The following LRP1B variants were observed in gnomAD, a reference collection of about 807,000 sequenced individuals.
LRP1B encodes the protein low-density lipoprotein receptor-related protein 1B.
Under a neutral mutation model 556.6 loss-of-function variants are expected in LRP1B, and 217 were observed. That is an observed-to-expected ratio of 0.39 (90% CI 0.35 to 0.44). The LOEUF (loss-of-function observed/expected upper bound fraction) is 0.44. Among genes scored for constraint, LRP1B ranks in the 20% least tolerant of loss-of-function variants. The pLI, the probability that LRP1B is intolerant of heterozygous loss-of-function variation, is 1.00. For missense variants in LRP1B, 5,053 were observed against 5,620.8 expected, an observed-to-expected ratio of 0.90 and a Z score of 3.23; for synonymous variants, 2,047 against 1,865.8, an observed-to-expected ratio of 1.10 and a Z score of -2.50.
At chr2:140,979,720 C>T (rs1696711826) in intron 18 of LRP1B, among the ~76,000 whole-genome samples, 1 of 152,118 alleles carries the variant, frequency 6.6e-6, no homozygotes, top group African/African-American at 2.4e-5. Context: ...AGTATAATGG[C>T]ATTATCTGCA....
intron 66 of LRP1B, among the ~76,000 whole-genome samples, chr2:140,408,180 C>T (rs976801159): frequency 5.3e-5 from 8 of 151,446 alleles, no homozygotes; most frequent in Middle Eastern, 3.2e-3. Context: ...GATTTACAGG[C>T]GATGTGGGAG....
chr2:140,567,253 C>T (rs2105095307), intron 43 of LRP1B, among the ~76,000 whole-genome samples: 1 of 152,236 alleles, frequency 6.6e-6, no homozygotes, highest in Middle Eastern at 3.4e-3. Flanking sequence ...CTGTGTTCTG[C>T]CATTTTGGAC....
At chr2:141,448,518 G>T (rs1681283395) in intron 3 of LRP1B, among the ~76,000 whole-genome samples, 1 of 152,174 alleles carries the variant, frequency 6.6e-6, no homozygotes, top group South Asian at 2.1e-4. Flanking sequence ...GCCCAGGTTT[G>T]TGCTTGAAAC....
chr2:141,369,593 C>G (rs542723699), intron 3 of LRP1B, among the ~76,000 whole-genome samples: 7 of 152,254 alleles, frequency 4.6e-5, no homozygotes, highest in African/African-American at 1.7e-4. Context: ...CCATTATTAT[C>G]ATCATGATCA....
At chr2:140,377,200 C>A (rs754523780) in intron 68 of LRP1B, among the ~76,000 whole-genome samples, 31 of 152,126 alleles carry the variant, frequency 2.0e-4, no homozygotes, top group Admixed American at 3.9e-4. Context: ...CTCAGCCTCC[C>A]AAGTAGCTGG....
intron 57 of LRP1B, among the ~76,000 whole-genome samples, chr2:140,492,248 G>A (rs993209547): frequency 6.6e-6 from 1 of 152,074 alleles, no homozygotes; most frequent in Non-Finnish European, 1.5e-5. Context: ...CTATCAATGA[G>A]TAACAAAATA....
At chr2:140,352,764 T>C (rs991252112) in intron 76 of LRP1B, among the ~76,000 whole-genome samples, 189 bp downstream of exon 76, 2 of 152,126 alleles carry the variant, frequency 1.3e-5, no homozygotes, top group Non-Finnish European at 2.9e-5. Flanking sequence ...ATATATTTCA[T>C]AGTCATTTCC....
At chr2:140,913,497 A>G (rs1291395774) in intron 21 of LRP1B, among the ~76,000 whole-genome samples, 1 of 152,042 alleles carries the variant, frequency 6.6e-6, no homozygotes, top group Non-Finnish European at 1.5e-5. Flanking sequence ...GGAAAAAAGC[A>G]TTTAATATAG....
chr2:140,270,886 T>C (rs1488973047), intron 85 of LRP1B, among the ~76,000 whole-genome samples: 1 of 151,974 alleles, frequency 6.6e-6, no homozygotes, highest in Non-Finnish European at 1.5e-5. Context: ...GTATGTACTG[T>C]AACTAATGTC....
chr2:140,968,634 T>A (rs1315655069), intron 18 of LRP1B, among the ~76,000 whole-genome samples: 3 of 152,186 alleles, frequency 2.0e-5, no homozygotes, highest in African/African-American at 7.2e-5. Context: ...GGCGTCAATT[T>A]TGGATCTTTC....
At chr2:140,333,839 G>C (rs1021818007) in intron 79 of LRP1B, among the ~76,000 whole-genome samples, 1 of 151,860 alleles carries the variant, frequency 6.6e-6, no homozygotes, top group African/African-American at 2.4e-5. Context: ...AGATGGGGGA[G>C]CTGGGAGAAA....
At chr2:140,757,136 G>A (rs1688767106) in intron 35 of LRP1B, among the ~76,000 whole-genome samples, 1 of 152,176 alleles carries the variant, frequency 6.6e-6, no homozygotes, top group African/African-American at 2.4e-5. Context: ...TCATCAGAAT[G>A]GCTACAGATC....
At chr2:141,951,120 T>G (rs1701093305) in intron 1 of LRP1B, among the ~76,000 whole-genome samples, 1 of 152,158 alleles carries the variant, frequency 6.6e-6, no homozygotes, top group Admixed American at 6.6e-5. Flanking sequence ...AAGAGTATGT[T>G]CATATTTTTT....
chr2:141,796,375 A>C (rs1695812357), intron 2 of LRP1B, among the ~76,000 whole-genome samples: 1 of 152,002 alleles, frequency 6.6e-6, no homozygotes, highest in Admixed American at 6.6e-5. Context: ...TACAGCAATG[A>C]AGGTATCATT....
rs145191262 is a variant in LRP1B at position 141,799,808 on chromosome 2, C to CTGTGTGTGTGTGTGTGTG, written c.205+10453_205+10470dup. The stretch of plus-strand genomic sequence containing the variant: ...AACAATCTGTTTTTAAAGAGTGTGT[C>CTGTGTGTGTGTGTGTGTG]TGTGTGTGTGTGTGTGTGTGTGTAT... On this transcript the variant is annotated intron_variant, in intron 2 of 90. Transcript: ENST00000389484. 3.6e-3 allele frequency among the ~76,000 whole-genome samples: 539 copies of CTGTGTGTGTGTGTGTGTG among 147,718 alleles called. 2 individuals carry two copies. The highest frequency in any genetic ancestry group is 8.6e-3 in the South Asian group (40 of 4,678).
intron 2 of LRP1B, among the ~76,000 whole-genome samples, chr2:141,593,003 G>C (rs1687394925): frequency 6.6e-6 from 1 of 152,108 alleles, no homozygotes; most frequent in Admixed American, 6.6e-5. Context: ...AATGTACAAT[G>C]TCAATTCAGG....
At chr2:141,668,436 C>G (rs1235395791) in intron 2 of LRP1B, among the ~76,000 whole-genome samples, 1 of 152,228 alleles carries the variant, frequency 6.6e-6, no homozygotes, top group Non-Finnish European at 1.5e-5. Flanking sequence ...ATATAAACTT[C>G]AAATCCCAGG....
chr2:141,240,765 T>A (rs555109293), intron 5 of LRP1B, among the ~76,000 whole-genome samples: 1 of 152,048 alleles, frequency 6.6e-6, no homozygotes, highest in East Asian at 1.9e-4. Flanking sequence ...CTAGAGCCCA[T>A]AAATATGGCC....
chr2:141,496,145 A>T (rs1683500248), intron 2 of LRP1B, among the ~76,000 whole-genome samples: 1 of 151,956 alleles, frequency 6.6e-6, no homozygotes, highest in African/African-American at 2.4e-5. Flanking sequence ...GTCTTCCTTG[A>T]TATTATTAAA....
Sources: allele counts gnomAD v4.1 joint callset (sites outside exome capture counted in the v4.1 genomes callset), GRCh38; gene constraint gnomAD v4.1.1; transcripts MANE v1.5; gene names NCBI Gene and HGNC (gene_info 2026-07-23, HGNC 2026-07-21).